FARP2: variants seen among roughly 807,000 people sequenced by gnomAD.
FARP2 encodes FERM, ARH/RhoGEF and pleckstrin domain protein 2.
Under a neutral mutation model 130.5 loss-of-function variants are expected in FARP2, and 111 were observed. The ratio of observed to expected loss-of-function variants is 0.85; its 90% CI spans 0.73 to 1.00. FARP2 has a LOEUF of 1.00. FARP2 is among the 50% of genes least tolerant of loss of function. The probability of loss-of-function intolerance (pLI) is 0.00; values close to 1 mark genes in which losing one functional copy is unlikely to be tolerated. For synonymous variants in FARP2, 504 were observed against 516.9 expected (o/e 0.98, Z 0.34); for missense variants, 1,385 against 1,346.3 (o/e 1.03, Z -0.45).
At position 241,434,918 on chromosome 2, in the gene FARP2, C is replaced by G. The variant is rs112645381; in HGVS notation, c.1032-44C>G. On this transcript the variant is annotated intron_variant, in intron 10 of 26. Transcript: ENST00000264042. ...TGTCTTTTACTCTGAAAAATTAATG[C>G]TGACTTACTGTTCTTTATTAAAAAT... is the stretch of plus-strand genomic sequence containing the variant. 691 of 1,144,368 alleles carry G rather than the reference C, an allele frequency of 6.0e-4. 3 individuals carry two copies. The African/African-American group carries it at 9.1e-3, about 15-fold the overall frequency. The allele number at this position is 1,144,368 out of a possible 1,614,324, so 70.9% of individuals were successfully genotyped here. A position where few individuals can be genotyped will look rare whatever the true frequency, so the allele number is the denominator to read the frequency against.
At chr2:241,418,249 C>G (rs1257132092) in intron 8 of FARP2, 140 bp downstream of exon 8, 24 of 818,254 alleles carry the variant, frequency 2.9e-5, no homozygotes, top group Non-Finnish European at 4.5e-5. Flanking sequence ...CTTTGCATAT[C>G]ATCCAATCCA....
At chr2:241,453,978 G>T (rs2063764708) in intron 13 of FARP2, among the ~76,000 whole-genome samples, 1 of 151,376 alleles carries the variant, frequency 6.6e-6, no homozygotes, top group Non-Finnish European at 1.5e-5. Flanking sequence ...TAGAGACAGG[G>T]TTTCACCATC....
Position 241,431,702 on chromosome 2 carries a change from C to A in FARP2, c.795C>A (p.Phe265Leu). The A allele has an allele frequency of 1.2e-6, 2 of 1,600,670 alleles. No homozygotes were observed. The highest frequency in any genetic ancestry group is 1.7e-6 in the Non-Finnish European group (2 of 1,169,780). ...AGGGCACCACCAAAATCAACACTTT[C>A]AACTGGTCCAAGGTCCGTAAACTAA... ...VFQGTTKINT[F>L]NWSKVRKLSF... Residue 265 changes from phenylalanine (F) to leucine (L), a missense_variant, in exon 9 of 27, where the codon TTC becomes TTA. Transcript: ENST00000264042.
At chr2:241,403,167 A>G (rs761972831) in intron 2 of FARP2, among the ~76,000 whole-genome samples, 4 of 151,422 alleles carry the variant, frequency 2.6e-5, no homozygotes, top group Non-Finnish European at 4.4e-5. Context: ...ATTTACTGGG[A>G]TCTTATATAA....
Position 241,386,305 on chromosome 2 carries a change from G to C in FARP2, c.183+13015G>C, listed in dbSNP as rs543080528. On this transcript the variant is annotated intron_variant, in intron 2 of 26. Coordinates refer to ENST00000264042, the MANE Select transcript of FARP2 (RefSeq NM_014808.4). ...CCGCTGTTGTTGCTCAGGCTAGCTTGAGCCTGAGCTCAAGTGAACCTGGCC... is the reference window on the plus strand; with the variant it reads ...CCGCTGTTGTTGCTCAGGCTAGCTTCAGCCTGAGCTCAAGTGAACCTGGCC... Among the ~76,000 whole-genome samples the C allele has an allele frequency of 3.3e-5, 5 of 152,250 alleles. No individual in the cohort carries two copies. The South Asian group carries it at 1.0e-3, about 32-fold the overall frequency.
intron 9 of FARP2, 98 bp downstream of exon 9, chr2:241,431,872 G>T: frequency 3.1e-6 from 1 of 318,214 alleles, no homozygotes; most frequent in Non-Finnish European, 5.2e-6. Flanking sequence ...CCAGGCTGGA[G>T]TGCAATGGCA....
At chr2:241,460,171 C>T (rs781522401) in intron 14 of FARP2, among the ~76,000 whole-genome samples, 88 of 152,336 alleles carry the variant, frequency 5.8e-4, no homozygotes, top group Non-Finnish European at 1.1e-3. Flanking sequence ...ATCCCTGTCC[C>T]TCAGCTGTGT....
intron 11 of FARP2, among the ~76,000 whole-genome samples, chr2:241,435,725 G>A (rs1440593732): frequency 1.3e-5 from 2 of 150,706 alleles, no homozygotes; most frequent in African/African-American, 4.9e-5. Flanking sequence ...GTTAGCCAGG[G>A]TGGTCTCGAC....
chr2:241,476,854 C>A (rs191448523), intron 19 of FARP2, among the ~76,000 whole-genome samples: 28 of 152,182 alleles, frequency 1.8e-4, no homozygotes, highest in South Asian at 4.2e-4. Context: ...AGTGAAACCC[C>A]CACAGCAATT....
At chr2:241,424,812 T>G (rs925122262) in intron 8 of FARP2, among the ~76,000 whole-genome samples, 2 of 152,188 alleles carry the variant, frequency 1.3e-5, no homozygotes, top group Non-Finnish European at 2.9e-5. Context: ...CAGAGAATGC[T>G]ATAAACACCT....
Position 241,475,765 on chromosome 2 carries a change from T to G in FARP2, c.2132-92T>G. The G allele has an allele frequency of 8.3e-7, 1 of 1,209,956 alleles. No homozygotes were observed. The highest frequency in any genetic ancestry group is 1.1e-6 in the Non-Finnish European group (1 of 905,908). The allele number at this position is 1,209,956 out of a possible 1,614,324, so 75.0% of individuals were successfully genotyped here. A position where few individuals can be genotyped will look rare whatever the true frequency, so the allele number is the denominator to read the frequency against. Reference sequence around the variant, plus strand: ...ATGTACCTCTAATTAGAACTGCCTTTTAGAATGCTGGTTCCTGTCACAAGG... The same window carrying G: ...ATGTACCTCTAATTAGAACTGCCTTGTAGAATGCTGGTTCCTGTCACAAGG... On this transcript the variant is annotated intron_variant, in intron 18 of 26. Coordinates refer to ENST00000264042, the MANE Select transcript of FARP2 (RefSeq NM_014808.4). This position sits in a 1 kb window ranked among gnomAD's most constrained non-coding sequence, Gnocchi z 4.4.
intron 6 of FARP2, 132 bp downstream of exon 6, chr2:241,411,262 T>C (rs1350314619): frequency 4.7e-6 from 3 of 643,068 alleles, no homozygotes; most frequent in Non-Finnish European, 8.3e-6. Context: ...TGTTTCAACT[T>C]CAGTGTTTTT....
intron 2 of FARP2, among the ~76,000 whole-genome samples, chr2:241,380,840 A>G (rs1199466157): frequency 1.3e-5 from 2 of 151,972 alleles, no homozygotes; most frequent in Non-Finnish European, 2.9e-5. Flanking sequence ...ACTCCCTGCA[A>G]AGAGGTCAGA....
chr2:241,442,466 C>G (rs1361222852), intron 13 of FARP2: 2 of 456,520 alleles, frequency 4.4e-6, no homozygotes, highest in East Asian at 6.9e-5. Context: ...GAAAGAGTCC[C>G]TTTTGATTTA....
chr2:241,373,338 G>T, intron 2 of FARP2, 48 bp downstream of exon 2: 1 of 1,241,086 alleles, frequency 8.1e-7, no homozygotes. Context: ...TCTTCTAACA[G>T]TCAAATTATG....
chr2:241,430,041 T>C (rs912207387), intron 8 of FARP2, among the ~76,000 whole-genome samples: 7 of 152,252 alleles, frequency 4.6e-5, no homozygotes, highest in Admixed American at 6.5e-5. Context: ...ACTCTTTAAA[T>C]CCCATTCTTC....
intron 5 of FARP2, among the ~76,000 whole-genome samples, chr2:241,408,581 T>G (rs1463547014): frequency 6.6e-6 from 1 of 151,950 alleles, no homozygotes; most frequent in Non-Finnish European, 1.5e-5. Flanking sequence ...TTGTTTCATC[T>G]GGACAGTAAG....
chr2:241,456,559 C>T, intron 13 of FARP2, 188 bp from the exon 14 acceptor site: 1 of 612,674 alleles, frequency 1.6e-6, no homozygotes, highest in East Asian at 3.1e-5. Flanking sequence ...GAACCATCAA[C>T]CCTCATTTTC....
intron 2 of FARP2, among the ~76,000 whole-genome samples, chr2:241,377,208 T>G (rs1181346609): frequency 1.3e-5 from 2 of 152,220 alleles, no homozygotes; most frequent in Non-Finnish European, 2.9e-5. Context: ...TAGCTTCTTC[T>G]GTATTCTCAT....
Sources: allele counts gnomAD v4.1 joint callset (sites outside exome capture counted in the v4.1 genomes callset), GRCh38; gene constraint gnomAD v4.1.1; non-coding constraint Gnocchi (gnomAD v3.1); transcripts MANE v1.5; gene names NCBI Gene and HGNC (gene_info 2026-07-23, HGNC 2026-07-21).